The following SMCO2 variants were observed in gnomAD, a reference collection of about 807,000 sequenced individuals.
The protein encoded by SMCO2 is single-pass membrane and coiled-coil domain-containing protein 2.
SMCO2 carries 25 observed loss-of-function variants against 29.5 expected under a neutral mutation model. The observed-to-expected ratio is 0.85, with a 90% CI of 0.62 to 1.18. SMCO2 has a LOEUF of 1.18. Ranked by LOEUF, SMCO2 falls within the 50% of genes most tolerant of loss-of-function variation. The pLI is 0.00. For missense variants in SMCO2, 348 were observed against 344.5 expected, an observed-to-expected ratio of 1.01 and a Z score of -0.08; for synonymous variants, 117 against 123.3, an observed-to-expected ratio of 0.95 and a Z score of 0.34.
At chr12:27,455,245 A>G in the SMCO2 span, among the ~76,000 whole-genome samples, 1 of 152,214 alleles carries the variant, frequency 6.6e-6, no homozygotes, top group East Asian at 1.9e-4. Context: ...AGTAGCATCT[A>G]TCTATCATTC....
intron 7 of SMCO2, 39 bp from the exon 9 acceptor site, chr12:27,501,884 T>C: frequency 7.0e-7 from 1 of 1,425,108 alleles, no homozygotes; most frequent in Non-Finnish European, 9.3e-7. Context: ...GTGATTATTT[T>C]CAGAATTTGG....
At chr12:27,497,578 CA>C (rs370625632) in intron 7 of SMCO2, 7,799 of 142,516 alleles carry the variant, frequency 0.055, 465 homozygotes, top group Middle Eastern at 0.11. Flanking sequence ...CTTGTATCTA[CA>C]AAAAAAAAAA....
chr12:27,474,760 T>C, intron 3 of SMCO2, 26 bp from the exon 4 acceptor site: 1 of 1,551,088 alleles, frequency 6.4e-7, no homozygotes, highest in Admixed American at 2.0e-5. Context: ...TTTGTTCTGC[T>C]TTGCTTCCAT....
At chr12:27,475,893 G>C (rs996819313) in intron 4 of SMCO2, among the ~76,000 whole-genome samples, 162 bp downstream of exon 5, 1 of 152,084 alleles carries the variant, frequency 6.6e-6, no homozygotes, top group Non-Finnish European at 1.5e-5. Context: ...AAATTGGGTT[G>C]CTGGGTTGTT....
At position 27,482,503 on chromosome 12, in the gene SMCO2, G is replaced by A. The variant is rs543855373; in HGVS notation, c.363-5957G>A. Among the ~76,000 whole-genome samples the A allele has an allele frequency of 2.6e-4, 39 of 152,280 alleles. 1 individual carries two copies. Among genetic ancestry groups the A allele is most frequent in the African/African-American group, 6.7e-4 (28 of 41,558 alleles). On this transcript the variant is annotated intron_variant, in intron 4 of 7. Coordinates refer to ENST00000298876, the Ensembl canonical transcript of SMCO2. ...TTTGGTAGAGGCAGGGTTCCAGCAC[G>A]TTGGCCAGGCTGGTCTTGAACTCCT...
At chr12:27,451,677 GC>G in the SMCO2 span, among the ~76,000 whole-genome samples, 1 of 152,196 alleles carries the variant, frequency 6.6e-6, no homozygotes, top group African/African-American at 2.4e-5. Context: ...TGTGACTCAA[GC>G]TTTTTGCCAC....
At chr12:27,444,283 G>A in the SMCO2 span, among the ~76,000 whole-genome samples, 13 of 152,146 alleles carry the variant, frequency 8.5e-5, no homozygotes, top group South Asian at 2.1e-4. Context: ...TGGGGAAACT[G>A]GATAACTATA....
the SMCO2 span, among the ~76,000 whole-genome samples, chr12:27,441,078 C>A: frequency 6.6e-6 from 1 of 151,752 alleles, no homozygotes; most frequent in Non-Finnish European, 1.5e-5. Flanking sequence ...GGCAACATGG[C>A]AAAACATGTC....
chr12:27,454,845 G>A, the SMCO2 span, among the ~76,000 whole-genome samples: 2 of 152,138 alleles, frequency 1.3e-5, no homozygotes, highest in South Asian at 4.1e-4. Flanking sequence ...CTGCTCCTGT[G>A]TTAGTTTGCT....
At chr12:27,477,342 A>C (rs999348387) in intron 4 of SMCO2, among the ~76,000 whole-genome samples, 1 of 149,770 alleles carries the variant, frequency 6.7e-6, no homozygotes, top group East Asian at 2.0e-4. Flanking sequence ...GTGACTTGAC[A>C]CTTTTCTTTT....
chr12:27,454,159 A>AT, the SMCO2 span, among the ~76,000 whole-genome samples: 849 of 152,032 alleles, frequency 5.6e-3, 5 homozygotes, highest in African/African-American at 0.019. Flanking sequence ...TTATTTTTAA[A>AT]TTTTTTGTAG....
At chr12:27,444,774 A>G in the SMCO2 span, among the ~76,000 whole-genome samples, 1 of 152,240 alleles carries the variant, frequency 6.6e-6, no homozygotes, top group Non-Finnish European at 1.5e-5. Context: ...GAAGAATAGT[A>G]TGGAGGCTGC....
chr12:27,478,251 A>C (rs547090216), intron 4 of SMCO2, among the ~76,000 whole-genome samples: 1 of 152,246 alleles, frequency 6.6e-6, no homozygotes, highest in East Asian at 1.9e-4. Context: ...GGCAAACTTT[A>C]CTGGGGACAG....
the SMCO2 span, among the ~76,000 whole-genome samples, chr12:27,450,195 A>G: frequency 6.6e-6 from 1 of 152,080 alleles, no homozygotes; most frequent in Non-Finnish European, 1.5e-5. Context: ...GGTCACCAAA[A>G]CATATTCTCC....
At chr12:27,435,289 C>A in the SMCO2 span, among the ~76,000 whole-genome samples, 1 of 18,502 alleles carries the variant, frequency 5.4e-5, no homozygotes, top group Non-Finnish European at 4.5e-4. Flanking sequence ...AGAACCCCCC[C>A]CCCCCCCCCC....
the SMCO2 span, among the ~76,000 whole-genome samples, chr12:27,430,091 A>G: frequency 5.9e-5 from 9 of 152,082 alleles, no homozygotes; most frequent in African/African-American, 2.2e-4. Context: ...TTTCTCCACA[A>G]CTCTTCAATG....
intron 4 of SMCO2, among the ~76,000 whole-genome samples, chr12:27,484,116 C>G (rs537671626): frequency 6.6e-6 from 1 of 152,316 alleles, no homozygotes; most frequent in South Asian, 2.1e-4. Context: ...TGTGGCCAGG[C>G]ATGGTGGCTC....
chr12:27,481,161 C>T (rs1212335189), intron 4 of SMCO2, among the ~76,000 whole-genome samples: 1 of 152,174 alleles, frequency 6.6e-6, no homozygotes, highest in Non-Finnish European at 1.5e-5. Flanking sequence ...TATTGGGCCC[C>T]AGGGCAGGAG....
At chr12:27,495,081 G>A (rs1011514818) in intron 6 of SMCO2, among the ~76,000 whole-genome samples, 15 of 152,072 alleles carry the variant, frequency 9.9e-5, no homozygotes, top group African/African-American at 3.6e-4. Flanking sequence ...ATGTGATTGG[G>A]CAAATGAGAC....
Sources: allele counts gnomAD v4.1 joint callset (sites outside exome capture counted in the v4.1 genomes callset), GRCh38; gene constraint gnomAD v4.1.1; transcripts MANE v1.5; gene names NCBI Gene and HGNC (gene_info 2026-07-23, HGNC 2026-07-21).